PCLO: variants seen among roughly 807,000 people sequenced by gnomAD.
PCLO encodes the protein piccolo presynaptic cytomatrix protein.
In PCLO, 82 loss-of-function variants were observed where a neutral mutation model predicts 427.5. The ratio of observed to expected loss-of-function variants is 0.19; its 90% confidence interval spans 0.16 to 0.23. PCLO has a LOEUF of 0.23. Among genes scored for constraint, PCLO ranks in the 10% least tolerant of loss-of-function variants. PCLO has a pLI of 1.00. For synonymous variants in PCLO, 2,357 were observed against 2,155.4 expected, an observed-to-expected ratio of 1.09 and a Z score of -2.59; for missense variants, 6,239 against 6,115.9, an observed-to-expected ratio of 1.02 and a Z score of -0.67.
intron 3 of PCLO, among the ~76,000 whole-genome samples, chr7:83,022,793 T>C (rs540936809): frequency 6.6e-6 from 1 of 152,282 alleles, no homozygotes; most frequent in Non-Finnish European, 1.5e-5. Flanking sequence ...GTAACAAACA[T>C]GCAATAGCTC....
intron 10 of PCLO, among the ~76,000 whole-genome samples, chr7:82,864,524 TAAAAG>T (rs1793044910): frequency 1.3e-5 from 2 of 152,114 alleles, no homozygotes; most frequent in African/African-American, 4.8e-5. Context: ...TATTAAGACA[TAAAAG>T]GAAAGGTTTA....
intron 3 of PCLO, among the ~76,000 whole-genome samples, chr7:83,104,003 G>C (rs1790795294): frequency 6.6e-6 from 1 of 151,942 alleles, no homozygotes; most frequent in Non-Finnish European, 1.5e-5. Flanking sequence ...ACTTTTTAAA[G>C]TTGAAAATTG....
chr7:82,849,240 T>TA (rs1483411352), intron 10 of PCLO, among the ~76,000 whole-genome samples: 2 of 152,058 alleles, frequency 1.3e-5, no homozygotes, highest in African/African-American at 2.4e-5. Context: ...CCTGTAAAAT[T>TA]AAAAAAATGC....
chr7:83,159,732 C>T (rs1324250226), intron 1 of PCLO, among the ~76,000 whole-genome samples: 6 of 151,942 alleles, frequency 3.9e-5, no homozygotes. Flanking sequence ...TGACACTTGA[C>T]AGTGCTGAGT....
intron 6 of PCLO, among the ~76,000 whole-genome samples, chr7:82,936,160 T>C (rs1794949647): frequency 6.6e-6 from 1 of 151,636 alleles, no homozygotes; most frequent in Admixed American, 6.6e-5. Context: ...AGATAGACCA[T>C]ATGTTAGGCC....
chr7:82,897,773 A>G (rs1003826491), intron 9 of PCLO, among the ~76,000 whole-genome samples: 2 of 151,352 alleles, frequency 1.3e-5, no homozygotes, highest in Non-Finnish European at 3.0e-5. Context: ...TGCTGTACAC[A>G]TTTTTTTAAT....
Position 83,135,308 on chromosome 7 carries a change from G to C in PCLO, c.2242C>G (p.Pro748Ala), listed in dbSNP as rs959374172. The change falls in exon 3 of 25, where the codon CCT becomes GCT. Residue 748 changes from proline to alanine, a missense_variant. Pro to Ala is a conservative substitution (Grantham distance 27). Coordinates refer to ENST00000333891, the MANE Select transcript of PCLO (RefSeq NM_033026.6). ...TGCTTTGGTTTATCATCAGCAACAGGGGCCTTGTCCTGCTCAGATGGGACA... is the reference window on the plus strand; with the variant it reads ...TGCTTTGGTTTATCATCAGCAACAGCGGCCTTGTCCTGCTCAGATGGGACA... The part of the protein sequence containing the change: ...PSVPSEQDKA[P>A]VADDKPKQPK... 1.9e-6 allele frequency: 3 copies of C among 1,613,894 alleles called. No individual in the cohort carries two copies. The highest frequency in any genetic ancestry group is 2.2e-5 in the East Asian group (1 of 44,862).
intron 6 of PCLO, among the ~76,000 whole-genome samples, chr7:82,930,174 C>T (rs1794808647): frequency 6.6e-6 from 1 of 152,114 alleles, no homozygotes; most frequent in Admixed American, 6.6e-5. Flanking sequence ...AAGGAAACCA[C>T]AAGGGCTACA....
At chr7:82,829,382 T>A (rs188472532) in intron 16 of PCLO, among the ~76,000 whole-genome samples, 1 of 152,214 alleles carries the variant, frequency 6.6e-6, no homozygotes, top group East Asian at 1.9e-4. Flanking sequence ...AGTATTAGGA[T>A]TTTTGAAGGC....
At chr7:83,030,396 C>T (rs531771311) in intron 3 of PCLO, among the ~76,000 whole-genome samples, 54 of 152,278 alleles carry the variant, frequency 3.5e-4, no homozygotes, top group African/African-American at 1.3e-3. Flanking sequence ...ACATATATAA[C>T]AGCATGAGCA....
intron 3 of PCLO, among the ~76,000 whole-genome samples, chr7:83,088,019 T>C (rs1423770453): frequency 6.6e-6 from 1 of 152,198 alleles, no homozygotes; most frequent in Non-Finnish European, 1.5e-5. Flanking sequence ...TGTAATCAGA[T>C]TATTTTACAT....
chr7:82,899,502 T>A (rs1194712157), intron 9 of PCLO, among the ~76,000 whole-genome samples: 2 of 151,482 alleles, frequency 1.3e-5, no homozygotes, highest in African/African-American at 2.4e-5. Context: ...GGATTATTTT[T>A]CCTAAGACAT....
At chr7:83,109,287 T>C (rs1790943787) in intron 3 of PCLO, among the ~76,000 whole-genome samples, 2 of 152,188 alleles carry the variant, frequency 1.3e-5, no homozygotes. Context: ...GTGTTCTTAA[T>C]TGATTGCTTT....
rs189349816 is a variant in PCLO at position 82,770,207 on chromosome 7, C to T, written c.15008-8714G>A. ...TACAATCCCTGAAGTGATAATTACT[C>T]AATAAGCATTAATTCTTTTTATTTC... On this transcript the variant is annotated intron_variant, in intron 22 of 24. Coordinates refer to ENST00000333891, the MANE Select transcript of PCLO (RefSeq NM_033026.6). Among the ~76,000 whole-genome samples, 134 of 152,118 alleles carry T rather than the reference C, an allele frequency of 8.8e-4. 1 individual carries two copies. Among genetic ancestry groups the T allele is most frequent in the African/African-American group, 3.1e-3 (130 of 41,528 alleles).
intron 10 of PCLO, among the ~76,000 whole-genome samples, chr7:82,855,792 A>G (rs1440442060): frequency 6.6e-6 from 1 of 152,132 alleles, no homozygotes; most frequent in Non-Finnish European, 1.5e-5. Context: ...GGGAAGAAAA[A>G]TAATGTAAGA....
chr7:82,847,031 A>G, intron 11 of PCLO, 108 bp downstream of exon 11: 2 of 623,110 alleles, frequency 3.2e-6, no homozygotes, highest in Admixed American at 3.0e-5. Context: ...TTTATTTTAT[A>G]ATTCCAGAAA....
intron 3 of PCLO, among the ~76,000 whole-genome samples, chr7:83,110,786 A>C (rs945187191): frequency 1.3e-5 from 2 of 152,148 alleles, no homozygotes; most frequent in Non-Finnish European, 2.9e-5. Context: ...TTATCTGTCC[A>C]CTTCCACACA....
In PCLO at chr7:82,926,060, G is replaced by A. The variant is rs114229891; in HGVS notation, c.11113-9187C>T. ...AAAATAAGAAAGATAACAGAGGAGC[G>A]ACCTGTGAATAAGGAAATTCTAAAT... On this transcript the variant is annotated intron_variant, in intron 6 of 24. Transcript: ENST00000333891. Among the ~76,000 whole-genome samples, 475 of 152,020 alleles carry A rather than the reference G, an allele frequency of 3.1e-3. 2 individuals carry two copies. The highest frequency in any genetic ancestry group is 0.011 in the African/African-American group (441 of 41,476).
chr7:82,901,340 A>T (rs1369697348), intron 9 of PCLO, among the ~76,000 whole-genome samples: 2 of 151,972 alleles, frequency 1.3e-5, no homozygotes, highest in Admixed American at 1.3e-4. Flanking sequence ...ACATATGTAA[A>T]TCTGACATTA....
Sources: allele counts gnomAD v4.1 joint callset (sites outside exome capture counted in the v4.1 genomes callset), GRCh38; gene constraint gnomAD v4.1.1; transcripts MANE v1.5; gene names NCBI Gene and HGNC (gene_info 2026-07-23, HGNC 2026-07-21).